The following GALNT17 variants were observed in gnomAD, a reference collection of about 807,000 sequenced individuals.
GALNT17 encodes polypeptide N-acetylgalactosaminyltransferase 17.
In GALNT17, 29 loss-of-function variants were observed where a neutral mutation model predicts 63.7. The observed-to-expected ratio is 0.46, with a 90% CI of 0.34 to 0.62. The LOEUF is 0.62. Among genes scored for constraint, GALNT17 ranks in the 20% least tolerant of loss-of-function variants. The probability of loss-of-function intolerance (pLI) is 0.01; values close to 1 mark genes in which losing one functional copy is unlikely to be tolerated. For missense variants in GALNT17, 603 were observed against 799.6 expected (o/e 0.75, Z 2.97); for synonymous variants, 305 against 318.3 (o/e 0.96, Z 0.45).
intron 1 of GALNT17, among the ~76,000 whole-genome samples, chr7:71,240,868 G>T (rs1013028164): frequency 2.2e-4 from 33 of 152,102 alleles, no homozygotes; most frequent in African/African-American, 7.7e-4. Context: ...GTTTCACCGT[G>T]TTAGCCAGGA....
At chr7:71,240,432 C>G (rs1315898722) in intron 1 of GALNT17, among the ~76,000 whole-genome samples, 1 of 152,110 alleles carries the variant, frequency 6.6e-6, no homozygotes, top group African/African-American at 2.4e-5. Context: ...CTTCTTGTCT[C>G]CCTCTATTTG....
intron 2 of GALNT17, among the ~76,000 whole-genome samples, chr7:71,360,168 T>C (rs954169349): frequency 1.1e-4 from 17 of 152,218 alleles, no homozygotes; most frequent in Non-Finnish European, 2.9e-5. Context: ...CAACCAAATA[T>C]GATGAAAATC....
intron 1 of GALNT17, among the ~76,000 whole-genome samples, chr7:71,262,913 TC>T (rs1790412381): frequency 6.6e-6 from 1 of 151,868 alleles, no homozygotes; most frequent in Non-Finnish European, 1.5e-5. Flanking sequence ...ACTCGTAAGT[TC>T]AAGCAATCCA....
intron 5 of GALNT17, among the ~76,000 whole-genome samples, chr7:71,470,638 C>T (rs138981552): frequency 6.6e-6 from 1 of 151,982 alleles, no homozygotes; most frequent in Non-Finnish European, 1.5e-5. Flanking sequence ...AATCAGAAAA[C>T]GAACAGACCA....
chr7:71,566,020 T>TTTG (rs1789338219), intron 5 of GALNT17, among the ~76,000 whole-genome samples: 2 of 150,104 alleles, frequency 1.3e-5, no homozygotes, highest in East Asian at 2.0e-4. Context: ...ATTTTGTGGG[T>TTTG]TTTGTTTGTT....
chr7:71,319,096 ATCTTTCTT>A (rs11272198), intron 1 of GALNT17, among the ~76,000 whole-genome samples: 38 of 131,992 alleles, frequency 2.9e-4, no homozygotes, highest in East Asian at 9.6e-4. Flanking sequence ...ATTTTTGTTT[ATCTTTCTT>A]TCTTTCTTTC....
intron 5 of GALNT17, among the ~76,000 whole-genome samples, chr7:71,559,239 A>C (rs1244192487): frequency 6.6e-6 from 1 of 151,804 alleles, no homozygotes; most frequent in African/African-American, 2.4e-5. Flanking sequence ...GTAATGTGCC[A>C]GTTGAGAATT....
At chr7:71,395,163 C>G (rs1424791480) in intron 3 of GALNT17, among the ~76,000 whole-genome samples, 1 of 152,138 alleles carries the variant, frequency 6.6e-6, no homozygotes, top group Non-Finnish European at 1.5e-5. Context: ...TGATTTGCAC[C>G]TATCACCACT....
chr7:71,265,083 C>T (rs1308013318), intron 1 of GALNT17, among the ~76,000 whole-genome samples: 4 of 122,706 alleles, frequency 3.3e-5, no homozygotes, highest in East Asian at 2.3e-4. Context: ...AAATACCACA[C>T]GTAACCCATA....
At chr7:71,633,413 C>T (rs538891904) in intron 6 of GALNT17, among the ~76,000 whole-genome samples, 3 of 152,232 alleles carry the variant, frequency 2.0e-5, no homozygotes, top group East Asian at 1.9e-4. Flanking sequence ...TCCTGGGGGC[C>T]GGGATAGCTC....
chr7:71,203,567 TTA>T (rs1789215274), intron 1 of GALNT17, among the ~76,000 whole-genome samples: 1 of 152,224 alleles, frequency 6.6e-6, no homozygotes, highest in African/African-American at 2.4e-5. Context: ...GCATGGTGTA[TTA>T]GGCTGTTCAC....
intron 1 of GALNT17, among the ~76,000 whole-genome samples, chr7:71,220,045 C>T (rs1312152387): frequency 6.6e-6 from 1 of 152,202 alleles, no homozygotes; most frequent in Non-Finnish European, 1.5e-5. Context: ...GAATAGTTTG[C>T]AAACAAGGGA....
intron 6 of GALNT17, among the ~76,000 whole-genome samples, chr7:71,647,846 G>T (rs1209976778): frequency 6.6e-6 from 1 of 152,210 alleles, no homozygotes; most frequent in Non-Finnish European, 1.5e-5. Flanking sequence ...CCAGGTGTCT[G>T]GGGGGCCGTC....
At chr7:71,316,208 TCAGGA>T in intron 1 of GALNT17, among the ~76,000 whole-genome samples, 1 of 56,674 alleles carries the variant, frequency 1.8e-5, no homozygotes, top group Admixed American at 2.1e-4. Flanking sequence ...GTGGGTCTGA[TCAGGA>T]TCCTGATCTG....
intron 5 of GALNT17, among the ~76,000 whole-genome samples, chr7:71,472,842 C>T (rs944981176): frequency 1.1e-4 from 17 of 152,116 alleles, no homozygotes; most frequent in Admixed American, 2.0e-4. Context: ...AAAACAAAAA[C>T]GAAAACCAAC....
intron 5 of GALNT17, among the ~76,000 whole-genome samples, chr7:71,569,178 GC>G (rs1486671433): frequency 6.6e-6 from 1 of 152,136 alleles, no homozygotes; most frequent in East Asian, 1.9e-4. Context: ...CACCATGTTG[GC>G]CAGGATGGTC....
intron 1 of GALNT17, among the ~76,000 whole-genome samples, chr7:71,246,784 G>A (rs954700780): frequency 1.3e-5 from 2 of 151,638 alleles, no homozygotes; most frequent in African/African-American, 4.9e-5. Flanking sequence ...AGCTGAGAAC[G>A]CGCCACTGCA....
chr7:71,243,683 G>A (rs1303024094), intron 1 of GALNT17, among the ~76,000 whole-genome samples: 1 of 152,142 alleles, frequency 6.6e-6, no homozygotes, highest in African/African-American at 2.4e-5. Context: ...GGGACTACAG[G>A]TGGGTGCTGC....
At chr7:71,666,650 T>C (rs1790989969) in intron 7 of GALNT17, among the ~76,000 whole-genome samples, 2 of 152,064 alleles carry the variant, frequency 1.3e-5, no homozygotes, top group Non-Finnish European at 2.9e-5. Context: ...TGAAAACATA[T>C]GATGTTTGGT....
Sources: allele counts gnomAD v4.1 joint callset (sites outside exome capture counted in the v4.1 genomes callset), GRCh38; gene constraint gnomAD v4.1.1; transcripts MANE v1.5; gene names NCBI Gene and HGNC (gene_info 2026-07-23, HGNC 2026-07-21).